Variants in RNF24 observed in about 807,000 individuals in gnomAD.
The protein encoded by RNF24 is ring finger protein 24.
A neutral mutation model predicts 20.0 loss-of-function variants in RNF24; 14 were observed. The observed-to-expected ratio is 0.70, with a 90% CI of 0.46 to 1.10. RNF24 has a LOEUF of 1.10. Among genes scored for constraint, RNF24 ranks in the 50% least tolerant of loss-of-function variants. The pLI, the probability that RNF24 is intolerant of heterozygous loss-of-function variation, is 0.00. For synonymous variants in RNF24, 45 were observed against 61.1 expected (o/e 0.74, Z 1.23); for missense variants, 124 against 177.6 (o/e 0.70, Z 1.71).
intron 2 of RNF24, among the ~76,000 whole-genome samples, chr20:3,949,552 G>T (rs1054272042): frequency 6.6e-6 from 1 of 151,218 alleles, no homozygotes; most frequent in Non-Finnish European, 1.5e-5. Context: ...GCATGGTGGC[G>T]TGTGGCCTGT....
Position 3,945,664 on chromosome 20 carries a change from G to A in RNF24, c.187-446C>T, listed in dbSNP as rs149060347. Among the ~76,000 whole-genome samples the A allele has an allele frequency of 2.7e-3, 402 of 149,198 alleles. 8 individuals are homozygous for A. The East Asian group carries it at 0.067, about 25-fold the overall frequency. On this transcript the variant is annotated intron_variant, in intron 3 of 5. Coordinates refer to ENST00000358395, the MANE Select transcript of RNF24 (RefSeq NM_001134337.3). Reference sequence around the variant, plus strand: ...CAGGAGGCGGAAGTTGCAGTGAGCCGAGATCGTGCCATTGCACTCTAGCCT... The same window carrying A: ...CAGGAGGCGGAAGTTGCAGTGAGCCAAGATCGTGCCATTGCACTCTAGCCT...
At chr20:4,000,903 C>T (rs530470871) in intron 1 of RNF24, among the ~76,000 whole-genome samples, 96 of 152,274 alleles carry the variant, frequency 6.3e-4, no homozygotes, top group African/African-American at 2.2e-3. Context: ...ACTTGAATCC[C>T]ACACGCTTTT....
At chr20:3,939,906 C>A (rs1050350789) in intron 4 of RNF24, among the ~76,000 whole-genome samples, 5 of 152,046 alleles carry the variant, frequency 3.3e-5, no homozygotes, top group Non-Finnish European at 7.4e-5. Context: ...ATCTGGGCTT[C>A]TTTTGTTAAA....
chr20:3,931,441 A>G lies in RNF24; in HGVS notation c.*2622T>C, dbSNP rs2090821663. 6.6e-6 allele frequency: 1 copy of G among 152,234 alleles called. No homozygotes were observed. Among genetic ancestry groups the G allele is most frequent in the African/African-American group, 2.4e-5 (1 of 41,460 alleles). 9.4% of individuals were successfully genotyped at this position (152,234 alleles called of 1,614,324 possible). On this transcript the variant is annotated 3_prime_UTR_variant, in exon 6 of 6. Coordinates refer to ENST00000358395, the MANE Select transcript of RNF24 (RefSeq NM_001134337.3). The stretch of plus-strand genomic sequence containing the variant: ...CTGTCTTTCAAACAAAAACCCTGCG[A>G]TTTTAATGAGAATTAAAGGAGGATG...
At chr20:4,006,553 C>A (rs1981891180) in intron 1 of RNF24, among the ~76,000 whole-genome samples, 1 of 152,152 alleles carries the variant, frequency 6.6e-6, no homozygotes, top group Non-Finnish European at 1.5e-5. Flanking sequence ...AAGTTACTTA[C>A]AATATAAAAA....
chr20:3,998,544 C>T (rs1981091641), intron 1 of RNF24, among the ~76,000 whole-genome samples: 1 of 132,774 alleles, frequency 7.5e-6, no homozygotes, highest in South Asian at 2.5e-4. Flanking sequence ...CACTGCACGC[C>T]AGCCTGGGCA....
At position 3,940,525 on chromosome 20, in the gene RNF24, T is replaced by C. The variant is rs531619377; in HGVS notation, c.228+4652A>G. Among the ~76,000 whole-genome samples the C allele has an allele frequency of 4.9e-4, 74 of 151,960 alleles. 1 individual carries two copies. The highest frequency in any genetic ancestry group is 8.4e-4 in the Non-Finnish European group (57 of 68,012). Reference sequence around the variant, plus strand: ...GAGTGAAATGCAGAAAAAACATTTATAGAAATAATGGCTAAAAACTTCCCA... The same window carrying C: ...GAGTGAAATGCAGAAAAAACATTTACAGAAATAATGGCTAAAAACTTCCCA... On this transcript the variant is annotated intron_variant, in intron 4 of 5. Coordinates refer to ENST00000358395, the MANE Select transcript of RNF24 (RefSeq NM_001134337.3).
At chr20:4,013,280 T>C (rs935350652) in intron 1 of RNF24, among the ~76,000 whole-genome samples, 3 of 152,198 alleles carry the variant, frequency 2.0e-5, no homozygotes, top group Non-Finnish European at 2.9e-5. Flanking sequence ...AGAGGGAATA[T>C]ACATAAACAG....
intron 4 of RNF24, 118 bp from the exon 5 acceptor site, chr20:3,935,191 TAA>T: frequency 3.5e-6 from 2 of 572,320 alleles, no homozygotes; most frequent in Non-Finnish European, 6.0e-6. Context: ...ACTCTTATCT[TAA>T]AAAAAAAAGA....
chr20:3,940,356 G>A (rs2090940457), intron 4 of RNF24, among the ~76,000 whole-genome samples: 1 of 151,316 alleles, frequency 6.6e-6, no homozygotes, highest in African/African-American at 2.4e-5. Context: ...GAAAGAATCA[G>A]TGAACTAGAA....
intron 2 of RNF24, among the ~76,000 whole-genome samples, chr20:3,949,682 A>AT (rs2091060166): frequency 6.6e-6 from 1 of 152,118 alleles, no homozygotes; most frequent in Admixed American, 6.5e-5. Context: ...AGATCCTGTC[A>AT]TAAAAAAAAA....
intron 4 of RNF24, 60 bp downstream of exon 4, chr20:3,945,117 C>A: frequency 6.3e-7 from 1 of 1,577,532 alleles, no homozygotes; most frequent in Non-Finnish European, 8.6e-7. Context: ...TTTAAACATA[C>A]CACAGCATAC....
chr20:3,982,103 G>GTC (rs34868373), intron 1 of RNF24, among the ~76,000 whole-genome samples: 6,291 of 137,020 alleles, frequency 0.046, 179 homozygotes, highest in Admixed American at 0.09. Flanking sequence ...GTGAGACCTC[G>GTC]TCTCTCTCTC....
At chr20:3,985,476 C>T (rs1979804906) in intron 1 of RNF24, among the ~76,000 whole-genome samples, 1 of 151,994 alleles carries the variant, frequency 6.6e-6, no homozygotes, top group Non-Finnish European at 1.5e-5. Context: ...CTGACAATTC[C>T]AATTTCTTCA....
chr20:3,940,022 G>T (rs2090936580), intron 4 of RNF24, among the ~76,000 whole-genome samples: 1 of 151,882 alleles, frequency 6.6e-6, no homozygotes, highest in Non-Finnish European at 1.5e-5. Context: ...ACAATGGTGT[G>T]ATCTCAGCTC....
intron 1 of RNF24, among the ~76,000 whole-genome samples, chr20:4,005,849 C>G (rs757457894): frequency 3.9e-5 from 6 of 151,996 alleles, no homozygotes; most frequent in Non-Finnish European, 8.8e-5. Context: ...AGCAGTGAAA[C>G]TATTAATTTT....
rs528472895 is a variant in RNF24 at position 3,975,817 on chromosome 20, G to T, written c.-7-11793C>A. 6.6e-5 allele frequency among the ~76,000 whole-genome samples: 10 copies of T among 152,182 alleles called. No individual in the cohort carries two copies. In the East Asian group the frequency reaches 1.5e-3, roughly 24 times the overall value. The stretch of plus-strand genomic sequence containing the variant: ...ACTGAAGGATTGCTGGCTGTCATCA[G>T]AAGAGAGGCATGAACAAATCCTTTC... On this transcript the variant is annotated intron_variant, in intron 1 of 5. Transcript: ENST00000358395.
chr20:3,953,407 C>A (rs2091104563), intron 2 of RNF24, among the ~76,000 whole-genome samples: 1 of 150,996 alleles, frequency 6.6e-6, no homozygotes, highest in Non-Finnish European at 1.5e-5. Context: ...CCTGCCTCAG[C>A]CTCCCAAAGT....
At chr20:3,944,250 T>C (rs1426089501) in intron 4 of RNF24, among the ~76,000 whole-genome samples, 1 of 151,434 alleles carries the variant, frequency 6.6e-6, no homozygotes, top group Non-Finnish European at 1.5e-5. Flanking sequence ...AATTAATGCT[T>C]CAGTTTAATC....
Sources: gnomAD v4.1 joint callset for allele counts (sites outside exome capture counted in the v4.1 genomes callset) on GRCh38, gnomAD v4.1.1 for gene constraint, MANE v1.5 for transcripts, NCBI Gene and HGNC (gene_info 2026-07-23, HGNC 2026-07-21) for gene names.